Variants in KCNAB1 observed in about 807,000 individuals in gnomAD.
KCNAB1 encodes the protein potassium voltage-gated channel subfamily A regulatory beta subunit 1, also known as voltage-gated potassium channel subunit beta-1.
A neutral mutation model predicts 64.6 loss-of-function variants in KCNAB1; 35 were observed. The observed-to-expected ratio is 0.54, with a 90% CI of 0.41 to 0.72. The LOEUF (loss-of-function observed/expected upper bound fraction) is 0.72. KCNAB1 is among the 30% of genes least tolerant of loss of function. The pLI is 0.00. For synonymous variants in KCNAB1, 177 were observed against 183.8 expected (o/e 0.96, Z 0.30); for missense variants, 401 against 512.9 (o/e 0.78, Z 2.11).
At chr3:156,425,244 C>G (rs1715735599) in intron 2 of KCNAB1, among the ~76,000 whole-genome samples, 1 of 152,164 alleles carries the variant, frequency 6.6e-6, no homozygotes, top group African/African-American at 2.4e-5. Context: ...TTGAAATACT[C>G]TAAAAGTGAT....
chr3:156,460,681 G>A (rs1278815232), intron 5 of KCNAB1: 1 of 152,234 alleles, frequency 6.6e-6, no homozygotes, highest in Non-Finnish European at 1.5e-5. Context: ...AATGATATTA[G>A]TGAAGACAAC....
chr3:156,369,672 T>A (rs1726176828), intron 1 of KCNAB1, among the ~76,000 whole-genome samples: 1 of 152,218 alleles, frequency 6.6e-6, no homozygotes, highest in South Asian at 2.1e-4. Flanking sequence ...AAGAGATTCT[T>A]TGACACAGTT....
At chr3:156,378,739 G>A (rs76202521) in intron 1 of KCNAB1, among the ~76,000 whole-genome samples, 9,907 of 152,150 alleles carry the variant, frequency 0.065, 430 homozygotes, top group Non-Finnish European at 0.096. Context: ...ACCCAACATA[G>A]TGCCTGGGTT....
intron 8 of KCNAB1, among the ~76,000 whole-genome samples, chr3:156,485,877 A>G (rs1244347976): frequency 6.6e-6 from 1 of 152,174 alleles, no homozygotes; most frequent in African/African-American, 2.4e-5. Context: ...CACTTAGAAT[A>G]ATAGCCTCCA....
chr3:156,240,608 A>G (rs903189072), intron 1 of KCNAB1, among the ~76,000 whole-genome samples: 2 of 152,194 alleles, frequency 1.3e-5, no homozygotes, highest in Non-Finnish European at 2.9e-5. Flanking sequence ...TTTCTAATAT[A>G]GCAGATGAGG....
chr3:156,161,648 A>G lies in KCNAB1; in HGVS notation c.275+40762A>G, dbSNP rs1716088321. Among the ~76,000 whole-genome samples the G allele has an allele frequency of 3.9e-5, 6 of 152,300 alleles. No individual in the cohort carries two copies. The South Asian group carries it at 1.2e-3, about 32-fold the overall frequency. ...TAGGTAACTGTCTATATATTTTTAAAATATTTTAATTCTACCCACATATGG... is the reference window on the plus strand; with the variant it reads ...TAGGTAACTGTCTATATATTTTTAAGATATTTTAATTCTACCCACATATGG... On this transcript the variant is annotated intron_variant, in intron 1 of 13. Coordinates refer to ENST00000490337, the MANE Select transcript of KCNAB1 (RefSeq NM_172160.3).
chr3:156,143,441 A>G, intron 1 of KCNAB1: 1 of 1,516,172 alleles, frequency 6.6e-7, no homozygotes, highest in Non-Finnish European at 8.9e-7. Flanking sequence ...TTGCAAAGTC[A>G]TCCAACCAGG....
intron 1 of KCNAB1, among the ~76,000 whole-genome samples, chr3:156,343,707 T>C (rs74325232): frequency 0.014 from 2,155 of 152,276 alleles, 21 homozygotes; most frequent in South Asian, 0.031. Context: ...ATCTTTAGGA[T>C]TGGAGAGTTT....
At chr3:156,449,259 A>G (rs1711816967) in intron 2 of KCNAB1, among the ~76,000 whole-genome samples, 1 of 152,202 alleles carries the variant, frequency 6.6e-6, no homozygotes, top group Non-Finnish European at 1.5e-5. Context: ...TTTGACTTGG[A>G]ATCAGAAACC....
At chr3:156,528,126 C>T (rs1718451473) in intron 12 of KCNAB1, among the ~76,000 whole-genome samples, 1 of 149,240 alleles carries the variant, frequency 6.7e-6, no homozygotes, top group South Asian at 2.1e-4. Flanking sequence ...TCAGAACTAC[C>T]TTTAAGGCCA....
At chr3:156,384,225 TA>T (rs1421058029) in intron 1 of KCNAB1, among the ~76,000 whole-genome samples, 1 of 152,236 alleles carries the variant, frequency 6.6e-6, no homozygotes, top group Non-Finnish European at 1.5e-5. Context: ...CCAGAGTGGC[TA>T]AAGCTGATAC....
intron 1 of KCNAB1, among the ~76,000 whole-genome samples, chr3:156,274,666 T>C (rs1279026987): frequency 1.3e-5 from 2 of 152,148 alleles, no homozygotes; most frequent in Non-Finnish European, 2.9e-5. Flanking sequence ...TACCATTAAG[T>C]AGTTTTGTGG....
intron 1 of KCNAB1, among the ~76,000 whole-genome samples, chr3:156,289,317 G>A (rs1308916471): frequency 1.3e-5 from 2 of 152,120 alleles, no homozygotes; most frequent in Non-Finnish European, 2.9e-5. Context: ...CCCTCTAGAC[G>A]GATGATTATC....
chr3:156,355,880 G>T (rs1488603814), intron 1 of KCNAB1, among the ~76,000 whole-genome samples: 1 of 152,120 alleles, frequency 6.6e-6, no homozygotes, highest in Non-Finnish European at 1.5e-5. Flanking sequence ...ACTTTGGGAG[G>T]CCAAGGCAGG....
At chr3:156,167,671 TAACAACAAC>T (rs60743324) in intron 1 of KCNAB1, among the ~76,000 whole-genome samples, 12 of 152,188 alleles carry the variant, frequency 7.9e-5, no homozygotes, top group African/African-American at 2.4e-4. Context: ...ACAAACTTTT[TAACAACAAC>T]AACAACAACA....
intron 1 of KCNAB1, among the ~76,000 whole-genome samples, chr3:156,233,104 T>G (rs1298042287): frequency 6.6e-6 from 1 of 152,212 alleles, no homozygotes; most frequent in East Asian, 1.9e-4. Context: ...AGGTACTGTT[T>G]TAGACACTTT....
At chr3:156,212,006 C>T (rs575010270) in intron 1 of KCNAB1, among the ~76,000 whole-genome samples, 1 of 152,234 alleles carries the variant, frequency 6.6e-6, no homozygotes, top group African/African-American at 2.4e-5. Context: ...GTTTTGTCCT[C>T]CAGATTTCAG....
chr3:156,254,539 C>T (rs762846262), intron 1 of KCNAB1, among the ~76,000 whole-genome samples: 2 of 152,210 alleles, frequency 1.3e-5, no homozygotes, highest in Non-Finnish European at 2.9e-5. Context: ...CAGAGCTCAG[C>T]TATTTCTCAT....
chr3:156,527,254 T>C (rs1176059800), intron 12 of KCNAB1, among the ~76,000 whole-genome samples: 1 of 152,240 alleles, frequency 6.6e-6, no homozygotes, highest in Non-Finnish European at 1.5e-5. Context: ...CTTAACCTGG[T>C]AACAATTTTC....
Sources: allele counts gnomAD v4.1 joint callset (sites outside exome capture counted in the v4.1 genomes callset), GRCh38; gene constraint gnomAD v4.1.1; transcripts MANE v1.5; gene names NCBI Gene and HGNC (gene_info 2026-07-23, HGNC 2026-07-21).